Variants in SH3TC1 observed in about 807,000 individuals in gnomAD.
SH3TC1 encodes SH3 domain and tetratricopeptide repeats 1.
Under a neutral mutation model 117.3 loss-of-function variants are expected in SH3TC1, and 135 were observed. That is an observed-to-expected ratio of 1.15 (90% CI 1.00 to 1.33). The LOEUF is 1.33. SH3TC1 is among the 40% of genes most tolerant of loss of function. The pLI is 0.00. For synonymous variants in SH3TC1, 898 were observed against 816.9 expected (o/e 1.10, Z -1.69); for missense variants, 2,092 against 1,794.3 (o/e 1.17, Z -3.00).
At chr4:8,184,485 T>A (rs1412389066) in intron 1 of SH3TC1, among the ~76,000 whole-genome samples, 2 of 152,234 alleles carry the variant, frequency 1.3e-5, no homozygotes, top group African/African-American at 4.8e-5. Flanking sequence ...GCTCAAATAA[T>A]CCTCCTGGCT....
intron 12 of SH3TC1, among the ~76,000 whole-genome samples, chr4:8,229,964 A>G (rs112365873): frequency 2.8e-5 from 4 of 143,486 alleles, no homozygotes; most frequent in South Asian, 2.2e-4. Flanking sequence ...CCAGGGGACG[A>G]GGATCATGCT....
At chr4:8,199,049 G>A (rs1468311617), upstream of SH3TC1, among the ~76,000 whole-genome samples, 3 of 152,252 alleles carry the variant, frequency 2.0e-5, no homozygotes, top group African/African-American at 4.8e-5. Flanking sequence ...CAGCCTGGCG[G>A]GGGACTGGGT....
rs189752408 is a variant in SH3TC1 at position 8,215,423 on chromosome 4, C to T, written c.482-688C>T. On this transcript the variant is annotated intron_variant, in intron 5 of 17. Coordinates refer to ENST00000245105, the MANE Select transcript of SH3TC1 (RefSeq NM_018986.5). Reference sequence around the variant, plus strand: ...GGGCTGAGGCTCATCCCACTGTGGACGTGGGCTTCTTGATCCGGTTCTTGG... The same window carrying T: ...GGGCTGAGGCTCATCCCACTGTGGATGTGGGCTTCTTGATCCGGTTCTTGG... Among the ~76,000 whole-genome samples, 6 of 152,322 alleles carry T rather than the reference C, an allele frequency of 3.9e-5. No homozygotes were observed. The East Asian group carries it at 1.2e-3, about 29-fold the overall frequency.
intron 1 of SH3TC1, among the ~76,000 whole-genome samples, chr4:8,191,626 C>T (rs757476311): frequency 3.9e-5 from 6 of 152,218 alleles, no homozygotes; most frequent in Non-Finnish European, 8.8e-5. Flanking sequence ...CCAGCTGGTA[C>T]GGGGCTCCAG....
intron 12 of SH3TC1, chr4:8,231,207 T>C (rs1721174455): frequency 6.6e-6 from 1 of 152,310 alleles, no homozygotes; most frequent in African/African-American, 2.4e-5. Flanking sequence ...CAAATTTCCT[T>C]CACTGTTGAT....
At chr4:8,232,385 C>A in intron 13 of SH3TC1, 1 of 1,583,396 alleles carries the variant, frequency 6.3e-7, no homozygotes, top group South Asian at 1.1e-5. Context: ...TCTTCCCATC[C>A]CTGCTTGCAC....
In SH3TC1 at chr4:8,233,457, G is replaced by T. The variant is rs146668114; in HGVS notation, c.3226G>T (p.Ala1076Ser). ...GAAGGAGGCGCATGCCTGGCTGCAA[G>T]CAGGGAAGATCTATTACATCTTGCG... ...KEKEAHAWLQ[A>S]GKIYYILRQS... Residue 1076 changes from alanine to serine, a missense_variant, in exon 14 of 18, where the codon GCA becomes TCA. Coordinates refer to ENST00000245105, the MANE Select transcript of SH3TC1 (RefSeq NM_018986.5). 1.9e-6 allele frequency: 3 copies of T among 1,613,920 alleles called. No homozygotes were observed. The highest frequency in any genetic ancestry group is 2.5e-6 in the Non-Finnish European group (3 of 1,179,914).
At chr4:8,223,631 CTT>C (rs761152183) in intron 10 of SH3TC1, among the ~76,000 whole-genome samples, 84 of 136,462 alleles carry the variant, frequency 6.2e-4, no homozygotes, top group African/African-American at 1.5e-3. Flanking sequence ...TACACACCCA[CTT>C]TTTTTTTTTT....
chr4:8,216,891 T>C (rs1431132417), intron 6 of SH3TC1, 66 bp from the exon 7 acceptor site: 29 of 1,531,244 alleles, frequency 1.9e-5, no homozygotes, highest in Middle Eastern at 1.7e-4. Flanking sequence ...GGCAGGGGTG[T>C]GGGGGGCAGG....
Position 8,236,266 on chromosome 4 carries a change from C to A in SH3TC1, c.3406-12C>A. The A allele has an allele frequency of 6.5e-7, 1 of 1,541,768 alleles. No individual in the cohort carries two copies. On this transcript the variant is annotated splice_polypyrimidine_tract_variant and intron_variant, in intron 15 of 17. Coordinates refer to ENST00000245105, the MANE Select transcript of SH3TC1 (RefSeq NM_018986.5). ...GCTGCGGGAAGCCTGACCCCACCTG[C>A]CTGTGTGGCAGGACCGGGCCCTGCC...
At chr4:8,197,388 T>C (rs1717586071), upstream of SH3TC1, among the ~76,000 whole-genome samples, 1 of 152,190 alleles carries the variant, frequency 6.6e-6, no homozygotes. Context: ...CCCATGAAAC[T>C]GATAGAGTGA....
Position 8,227,143 on chromosome 4 carries a change from C to T in SH3TC1, c.1449C>T (p.Pro483=). 1 of 1,611,000 alleles carries T rather than the reference C, an allele frequency of 6.2e-7. No homozygotes were observed. Among genetic ancestry groups the T allele is most frequent in the Non-Finnish European group, 8.5e-7 (1 of 1,178,904 alleles). Residue 483 remains proline, a synonymous_variant, in exon 12 of 18, where the codon CCC becomes CCT. Transcript: ENST00000245105. ...TGAGCTTGCAGGACCCCGAGGAGCC[C>T]TCCTTCTGCTTGGAAGCCGAGGACG... The part of the protein sequence containing the change: ...SDVSLQDPEE[P]SFCLEAEDDW...
At chr4:8,240,129 G>A (rs1360060967) in intron 17 of SH3TC1, among the ~76,000 whole-genome samples, 1 of 152,176 alleles carries the variant, frequency 6.6e-6, no homozygotes, top group Non-Finnish European at 1.5e-5. Flanking sequence ...CAAGGAGGAG[G>A]TCTGGGAAGT....
chr4:8,216,839 T>G, intron 6 of SH3TC1, 118 bp from the exon 7 acceptor site: 1 of 1,035,970 alleles, frequency 9.7e-7, no homozygotes, highest in Non-Finnish European at 1.5e-6. Context: ...CTGCAGACAC[T>G]GGGGGGGCCG....
chr4:8,212,593 C>T, intron 3 of SH3TC1, 108 bp from the exon 4 acceptor site: 1 of 1,486,524 alleles, frequency 6.7e-7, no homozygotes, highest in South Asian at 1.3e-5. Context: ...ACTGCCCAGG[C>T]CTTCGGGGTC....
At chr4:8,212,597 C>G in intron 3 of SH3TC1, 104 bp from the exon 4 acceptor site, 1 of 1,507,282 alleles carries the variant, frequency 6.6e-7, no homozygotes, top group African/African-American at 1.4e-5. Context: ...CCCAGGCCTT[C>G]GGGGTCAGGT....
chr4:8,225,287 A>T lies in SH3TC1; in HGVS notation c.1285+71A>T, dbSNP rs560486133. On this transcript the variant is annotated intron_variant, in intron 11 of 17. Coordinates refer to ENST00000245105, the MANE Select transcript of SH3TC1 (RefSeq NM_018986.5). The surrounding 1 kb of genome is among the most constrained non-coding windows in gnomAD (Gnocchi z 5.5). ...CCTTGGGGTAACGCTGGGGGAGGTG[A>T]CAAAGCTGAGCACGGTGGGCATTGG... 1.5e-5 allele frequency: 23 copies of T among 1,538,260 alleles called. No homozygotes were observed. Among genetic ancestry groups the T allele is most frequent in the African/African-American group, 4.1e-5 (3 of 73,500 alleles).
rs1258791887 is a variant in SH3TC1 at position 8,241,014 on chromosome 4, G to A, written c.*59G>A. ...GGCTGGGGGTCTCCTGCCTCTCCTG[G>A]TGTCGCCGGTGGCTCATTTTCTGGC... On this transcript the variant is annotated 3_prime_UTR_variant, in exon 18 of 18. Transcript: ENST00000245105. The A allele has an allele frequency of 2.9e-5, 46 of 1,574,864 alleles. No individual in the cohort carries two copies. Among genetic ancestry groups the A allele is most frequent in the Non-Finnish European group, 3.8e-5 (44 of 1,162,728 alleles).
Position 8,235,548 on chromosome 4 carries a change from T to C in SH3TC1, c.3398T>C (p.Phe1133Ser). The C allele has an allele frequency of 6.3e-7, 1 of 1,597,192 alleles. No homozygotes were observed. Among genetic ancestry groups the C allele is most frequent in the Middle Eastern group, 1.7e-4 (1 of 5,980 alleles). ...TGGGAGCGGGAGAAAGCTGTGTCCT[T>C]CTACCGGGTGAGCTGGCCTGTGGGC... ...GAWEREKAVSFYRDRALPLAV... is the reference protein window; with the variant it reads ...GAWEREKAVSSYRDRALPLAV... The change falls in exon 15 of 18, where the codon TTC becomes TCC. Residue 1133 changes from phenylalanine to serine, a missense_variant. Coordinates refer to ENST00000245105, the MANE Select transcript of SH3TC1 (RefSeq NM_018986.5).
Sources: allele counts gnomAD v4.1 joint callset (sites outside exome capture counted in the v4.1 genomes callset), GRCh38; gene constraint gnomAD v4.1.1; non-coding constraint Gnocchi (gnomAD v3.1); transcripts MANE v1.5; gene names NCBI Gene and HGNC (gene_info 2026-07-23, HGNC 2026-07-21).